Variants in SPATA6 observed in about 807,000 individuals in gnomAD.
SPATA6 encodes the protein spermatogenesis-associated protein 6.
A neutral mutation model predicts 65.3 loss-of-function variants in SPATA6; 56 were observed. The observed-to-expected ratio is 0.86, with a 90% CI of 0.69 to 1.07. SPATA6 has a LOEUF of 1.07. Ranked by LOEUF, SPATA6 falls within the 50% of genes least tolerant of loss-of-function variation. The pLI, the probability that SPATA6 is intolerant of heterozygous loss-of-function variation, is 0.00. For synonymous variants in SPATA6, 199 were observed against 213.2 expected, an observed-to-expected ratio of 0.93 and a Z score of 0.58; for missense variants, 590 against 594.8, an observed-to-expected ratio of 0.99 and a Z score of 0.08.
the SPATA6 span, among the ~76,000 whole-genome samples, chr1:48,267,633 C>T: frequency 6.6e-6 from 1 of 152,068 alleles, no homozygotes; most frequent in Non-Finnish European, 1.5e-5. Context: ...TCTGTTCCTC[C>T]TCATCAGTGT....
intron 9 of SPATA6, among the ~76,000 whole-genome samples, chr1:48,368,134 C>T (rs992345812): frequency 6.6e-5 from 10 of 152,294 alleles, no homozygotes; most frequent in Non-Finnish European, 8.8e-5. Flanking sequence ...CCCACTCTCT[C>T]CTGGCTTGTA....
At chr1:48,347,219 G>T (rs947284151) in intron 11 of SPATA6, among the ~76,000 whole-genome samples, 1 of 151,754 alleles carries the variant, frequency 6.6e-6, no homozygotes, top group South Asian at 2.1e-4. Context: ...ATGGGGAAGG[G>T]ATTCACTATT....
At chr1:48,460,154 T>G (rs1657319576) in intron 1 of SPATA6, among the ~76,000 whole-genome samples, 2 of 151,792 alleles carry the variant, frequency 1.3e-5, no homozygotes, top group South Asian at 4.2e-4. Context: ...TTTTCAGAGA[T>G]GGGGTCTCAC....
chr1:48,373,296 A>G (rs150207463), intron 9 of SPATA6, among the ~76,000 whole-genome samples: 3,759 of 152,296 alleles, frequency 0.025, 100 homozygotes, highest in African/African-American at 0.067. Context: ...AAGTTCCACA[A>G]ATCTCTAGGG....
the SPATA6 span, among the ~76,000 whole-genome samples, chr1:48,282,493 AAAAC>A: frequency 2.0e-5 from 3 of 152,220 alleles, no homozygotes; most frequent in African/African-American, 4.8e-5. Flanking sequence ...TTACAAGAAA[AAAAC>A]AAACAACCCC....
chr1:48,299,222 G>C (rs1212117736), intron 12 of SPATA6, among the ~76,000 whole-genome samples: 1 of 151,964 alleles, frequency 6.6e-6, no homozygotes, highest in African/African-American at 2.4e-5. Context: ...GCCAGTATAA[G>C]AATGCACAGC....
intron 5 of SPATA6, among the ~76,000 whole-genome samples, chr1:48,410,784 G>A (rs1163165180): frequency 6.6e-6 from 1 of 152,090 alleles, no homozygotes; most frequent in East Asian, 1.9e-4. Context: ...CATGAGAACA[G>A]CACGGGGGAA....
At chr1:48,435,867 C>A in intron 3 of SPATA6, 4 of 1,262,674 alleles carry the variant, frequency 3.2e-6, no homozygotes, top group South Asian at 2.5e-5. Flanking sequence ...ATGGTCGCTG[C>A]TAGGTAGGAT....
chr1:48,410,776 T>G (rs1431984975), intron 5 of SPATA6, among the ~76,000 whole-genome samples: 1 of 152,120 alleles, frequency 6.6e-6, no homozygotes, highest in Non-Finnish European at 1.5e-5. Flanking sequence ...CTTGCTATCA[T>G]GAGAACAGCA....
chr1:48,426,934 T>C (rs1053174838), intron 3 of SPATA6, among the ~76,000 whole-genome samples: 8 of 152,064 alleles, frequency 5.3e-5, no homozygotes, highest in African/African-American at 1.7e-4. Flanking sequence ...TCAATCTTTT[T>C]TTTTTTTAAG....
the SPATA6 span, among the ~76,000 whole-genome samples, chr1:48,280,718 G>A: frequency 3.3e-5 from 5 of 152,162 alleles, no homozygotes; most frequent in East Asian, 9.6e-4. Flanking sequence ...GAGAGTCCAG[G>A]ACCAGATGGA....
At chr1:48,375,606 GC>G (rs754826049) in intron 9 of SPATA6, among the ~76,000 whole-genome samples, 8 of 151,928 alleles carry the variant, frequency 5.3e-5, no homozygotes, top group Non-Finnish European at 1.2e-4. Context: ...TTCTAGAATT[GC>G]AAATCTGTCC....
chr1:48,334,058 C>T (rs961965513), intron 11 of SPATA6, among the ~76,000 whole-genome samples: 2 of 152,120 alleles, frequency 1.3e-5, no homozygotes, highest in African/African-American at 4.8e-5. Flanking sequence ...TGGACATATA[C>T]ATCCTTCCAA....
At chr1:48,414,642 T>A (rs1398440245) in intron 3 of SPATA6, among the ~76,000 whole-genome samples, 1 of 152,132 alleles carries the variant, frequency 6.6e-6, no homozygotes, top group East Asian at 1.9e-4. Context: ...GGTCACAATT[T>A]AGGGGCATAG....
At chr1:48,283,834 C>T in the SPATA6 span, among the ~76,000 whole-genome samples, 1 of 151,868 alleles carries the variant, frequency 6.6e-6, no homozygotes, top group African/African-American at 2.4e-5. Context: ...GTGGGTAACC[C>T]GACCTTTCTC....
intron 9 of SPATA6, among the ~76,000 whole-genome samples, chr1:48,374,735 T>C (rs1231805622): frequency 6.6e-6 from 1 of 152,146 alleles, no homozygotes; most frequent in African/African-American, 2.4e-5. Flanking sequence ...AAATAGTGTT[T>C]ACTTGTCAAG....
At chr1:48,324,934 A>G (rs1645711770) in intron 11 of SPATA6, 1 of 164,340 alleles carries the variant, frequency 6.1e-6, no homozygotes, top group Non-Finnish European at 1.3e-5. Context: ...ATGCAATTTT[A>G]TATTTGGAAA....
downstream of SPATA6, among the ~76,000 whole-genome samples, chr1:48,294,575 A>C (rs1302839799): frequency 6.6e-6 from 1 of 152,178 alleles, no homozygotes; most frequent in Non-Finnish European, 1.5e-5. Flanking sequence ...TGACTTCAAA[A>C]TGTGTTTTGT....
chr1:48,267,052 C>A, the SPATA6 span, among the ~76,000 whole-genome samples: 1 of 151,754 alleles, frequency 6.6e-6, no homozygotes, highest in Non-Finnish European at 1.5e-5. Context: ...TTAGATGAGT[C>A]AAATAGTGAG....
Sources: allele counts gnomAD v4.1 joint callset (sites outside exome capture counted in the v4.1 genomes callset), GRCh38; gene constraint gnomAD v4.1.1; transcripts MANE v1.5; gene names NCBI Gene and HGNC (gene_info 2026-07-23, HGNC 2026-07-21).